The following NTM variants were observed in gnomAD, a reference collection of about 807,000 sequenced individuals.
NTM encodes neurotrimin.
In NTM, 13 loss-of-function variants were observed where a neutral mutation model predicts 42.1. That is an observed-to-expected ratio of 0.31 (90% confidence interval 0.20 to 0.49). The LOEUF is 0.49. Ranked by LOEUF, NTM falls within the 20% of genes least tolerant of loss-of-function variation. NTM has a pLI of 0.99. For missense variants in NTM, 373 were observed against 452.8 expected, an observed-to-expected ratio of 0.82 and a Z score of 1.60; for synonymous variants, 187 against 179.2, an observed-to-expected ratio of 1.04 and a Z score of -0.35.
At chr11:132,203,412 A>T (rs1389950102) in intron 3 of NTM, among the ~76,000 whole-genome samples, 2 of 152,206 alleles carry the variant, frequency 1.3e-5, no homozygotes, top group African/African-American at 4.8e-5. Context: ...ATATATAATG[A>T]ATACAATCAG....
chr11:131,906,135 CAAG>C (rs2053821288), intron 1 of NTM, among the ~76,000 whole-genome samples: 1 of 152,144 alleles, frequency 6.6e-6, no homozygotes. Flanking sequence ...CTGGTACACA[CAAG>C]GAACTCAAAA....
rs559860417 is a variant in NTM at position 131,897,607 on chromosome 11, A to G, written c.83-13957A>G. ...GCTTCTACTCAGCATGGGAAATTAT[A>G]AGCAGAAAACTCGAGTAGAGCAAAT... On this transcript the variant is annotated intron_variant, in intron 1 of 8. Transcript: ENST00000683400. Among the ~76,000 whole-genome samples the G allele has an allele frequency of 2.8e-4, 43 of 152,368 alleles. 1 individual carries two copies. Among genetic ancestry groups the G allele is most frequent in the African/African-American group, 8.4e-4 (35 of 41,588 alleles).
intron 1 of NTM, among the ~76,000 whole-genome samples, chr11:131,857,197 A>C (rs2046190278): frequency 1.3e-5 from 2 of 152,172 alleles, no homozygotes; most frequent in Admixed American, 1.3e-4. Context: ...GTGAAGTTCT[A>C]ACTCCTTTAC....
chr11:131,975,498 A>G (rs1196084559), intron 2 of NTM, among the ~76,000 whole-genome samples: 1 of 152,154 alleles, frequency 6.6e-6, no homozygotes, highest in Non-Finnish European at 1.5e-5. Context: ...TTCAATGGAA[A>G]GCCTAGTCTT....
At chr11:131,474,331 G>C (rs1471809798) in intron 1 of NTM, among the ~76,000 whole-genome samples, 2 of 152,034 alleles carry the variant, frequency 1.3e-5, no homozygotes, top group Non-Finnish European at 2.9e-5. Context: ...TTACAGGGTT[G>C]GTTTCTTTGG....
intron 2 of NTM, among the ~76,000 whole-genome samples, chr11:132,022,271 T>G (rs2074461589): frequency 6.6e-6 from 1 of 152,194 alleles, no homozygotes; most frequent in South Asian, 2.1e-4. Flanking sequence ...CAATTACCAC[T>G]CCACTGGAAT....
chr11:131,803,498 T>C (rs945146351), intron 1 of NTM, among the ~76,000 whole-genome samples: 40 of 152,128 alleles, frequency 2.6e-4, no homozygotes, highest in Non-Finnish European at 3.2e-4. Context: ...TAAGTAGAGA[T>C]AGGGTTTCCC....
intron 2 of NTM, 117 bp downstream of exon 2, chr11:131,911,765 C>T (rs1253704649): frequency 1.6e-6 from 2 of 1,275,266 alleles, no homozygotes; most frequent in East Asian, 2.3e-5. Context: ...CGCTGGTTCC[C>T]TGGGCTGCAC....
intron 1 of NTM, among the ~76,000 whole-genome samples, chr11:131,791,972 C>A (rs1325285113): frequency 3.3e-5 from 5 of 152,156 alleles, no homozygotes; most frequent in Non-Finnish European, 7.3e-5. Flanking sequence ...TATATAGAAC[C>A]AGTGCCTGGC....
At chr11:132,218,903 A>G (rs2084508860) in intron 4 of NTM, among the ~76,000 whole-genome samples, 1 of 152,194 alleles carries the variant, frequency 6.6e-6, no homozygotes. Flanking sequence ...AGGCAGGTCC[A>G]AGGGGATTTG....
At chr11:131,777,021 AG>A (rs2087124235) in intron 1 of NTM, 1 of 530,040 alleles carries the variant, frequency 1.9e-6, no homozygotes, top group South Asian at 8.4e-5. Flanking sequence ...ATACTACAAA[AG>A]GTTGAATCAT....
At chr11:131,457,827 G>A (rs1951036714) in intron 1 of NTM, among the ~76,000 whole-genome samples, 2 of 152,108 alleles carry the variant, frequency 1.3e-5, no homozygotes, top group Non-Finnish European at 2.9e-5. Flanking sequence ...CCTCATGGAT[G>A]GGACCACTGT....
At chr11:131,794,873 G>T (rs2091374932) in intron 1 of NTM, 2 of 985,374 alleles carry the variant, frequency 2.0e-6, no homozygotes, top group Middle Eastern at 1.0e-3. Flanking sequence ...CCTCCACAGA[G>T]AATATATGAT....
At chr11:131,445,370 A>G (rs1347160713) in intron 1 of NTM, among the ~76,000 whole-genome samples, 2 of 152,238 alleles carry the variant, frequency 1.3e-5, no homozygotes, top group African/African-American at 4.8e-5. Flanking sequence ...TAGGAAGCAC[A>G]GTGCATCATC....
intron 1 of NTM, among the ~76,000 whole-genome samples, chr11:131,723,828 A>G (rs1225508889): frequency 6.6e-6 from 1 of 151,148 alleles, no homozygotes; most frequent in Non-Finnish European, 1.5e-5. Context: ...GTGTGTGTGC[A>G]TGTGTGTGTG....
chr11:132,207,502 GTAA>G (rs1011204126), intron 3 of NTM, among the ~76,000 whole-genome samples: 2 of 152,132 alleles, frequency 1.3e-5, no homozygotes, highest in African/African-American at 4.8e-5. Flanking sequence ...ACATTACAAT[GTAA>G]TAATAATATA....
chr11:132,242,806 C>T (rs967984791), intron 4 of NTM, among the ~76,000 whole-genome samples: 3 of 152,188 alleles, frequency 2.0e-5, no homozygotes, highest in Non-Finnish European at 4.4e-5. Flanking sequence ...AGCTTGGAAA[C>T]GCGTCCCCAT....
At chr11:131,413,838 C>T (rs1477325571) in intron 1 of NTM, among the ~76,000 whole-genome samples, 1 of 152,024 alleles carries the variant, frequency 6.6e-6, no homozygotes, top group Admixed American at 6.6e-5. Context: ...AAAATGAGTC[C>T]ACATGGTTAC....
At chr11:132,132,332 G>A (rs1018349881) in intron 2 of NTM, among the ~76,000 whole-genome samples, 20 of 152,156 alleles carry the variant, frequency 1.3e-4, no homozygotes, top group African/African-American at 4.8e-4. Flanking sequence ...TTCTGTATCC[G>A]TCCGGTGTTT....
Sources: gnomAD v4.1 joint callset for allele counts (sites outside exome capture counted in the v4.1 genomes callset) on GRCh38, gnomAD v4.1.1 for gene constraint, MANE v1.5 for transcripts, NCBI Gene and HGNC (gene_info 2026-07-23, HGNC 2026-07-21) for gene names.